Variants in RBFOX1 observed in about 807,000 individuals in gnomAD.
RBFOX1 encodes the protein RNA binding protein fox-1 homolog 1.
Under a neutral mutation model 57.7 loss-of-function variants are expected in RBFOX1, and 8 were observed. The observed-to-expected ratio is 0.14, with a 90% CI of 0.08 to 0.25. RBFOX1 has a LOEUF of 0.25. Among genes scored for constraint, RBFOX1 ranks in the 10% least tolerant of loss-of-function variants. The pLI is 1.00. For missense variants in RBFOX1, 611 were observed against 548.5 expected, an observed-to-expected ratio of 1.11 and a Z score of -1.14; for synonymous variants, 326 against 222.4, an observed-to-expected ratio of 1.47 and a Z score of -4.15.
At chr16:7,454,459 T>G (rs2058073659) in intron 4 of RBFOX1, among the ~76,000 whole-genome samples, 1 of 152,230 alleles carries the variant, frequency 6.6e-6, no homozygotes, top group African/African-American at 2.4e-5. Context: ...CACCCTGTTT[T>G]CCATCATATG....
chr16:6,198,167 A>T (rs969441586), intron 1 of RBFOX1, among the ~76,000 whole-genome samples: 1 of 152,182 alleles, frequency 6.6e-6, no homozygotes, highest in African/African-American at 2.4e-5. Flanking sequence ...ATCATTTGGC[A>T]GCCACTTATA....
chr16:7,177,948 A>T (rs564863939), intron 4 of RBFOX1, among the ~76,000 whole-genome samples: 59 of 152,322 alleles, frequency 3.9e-4, no homozygotes, highest in South Asian at 3.5e-3. Context: ...CAGAAGATCA[A>T]CTGGAGAGCA....
chr16:7,666,630 G>A (rs1261651574), intron 13 of RBFOX1, among the ~76,000 whole-genome samples: 1 of 152,070 alleles, frequency 6.6e-6, no homozygotes, highest in Non-Finnish European at 1.5e-5. Flanking sequence ...GAAAAAGAAG[G>A]GACTCATTTA....
At chr16:7,289,673 T>C (rs1325055858) in intron 4 of RBFOX1, among the ~76,000 whole-genome samples, 1 of 152,168 alleles carries the variant, frequency 6.6e-6, no homozygotes, top group Non-Finnish European at 1.5e-5. Flanking sequence ...ACCATCATCA[T>C]TATCACAATT....
At chr16:6,588,888 T>G (rs1391732678) in intron 2 of RBFOX1, among the ~76,000 whole-genome samples, 7 of 152,190 alleles carry the variant, frequency 4.6e-5, no homozygotes, top group Non-Finnish European at 1.0e-4. Flanking sequence ...TCCCATGATG[T>G]GTGGCAGTAA....
intron 3 of RBFOX1, among the ~76,000 whole-genome samples, chr16:6,803,830 A>G (rs1236946765): frequency 6.6e-6 from 1 of 152,142 alleles, no homozygotes; most frequent in African/African-American, 2.4e-5. Context: ...CTACATTTCT[A>G]ATTTTTTCCT....
In RBFOX1 at chr16:6,193,288, T is replaced by C. The variant is rs543066593; in HGVS notation, c.-126-123707T>C. On this transcript the variant is annotated intron_variant, in intron 1 of 15. Transcript: ENST00000550418. The stretch of plus-strand genomic sequence containing the variant: ...ACATGCATGGGGCTGGCCAATCAGA[T>C]TATCTCTTCGTGGGAGTTAAGAAAT... Among the ~76,000 whole-genome samples the C allele has an allele frequency of 8.2e-4, 123 of 149,250 alleles. 2 individuals are homozygous for C. The South Asian group carries it at 0.026, about 31-fold the overall frequency.
intron 1 of RBFOX1, among the ~76,000 whole-genome samples, chr16:5,338,869 C>T (rs1206020059): frequency 6.6e-6 from 1 of 152,110 alleles, no homozygotes; most frequent in African/African-American, 2.4e-5. Context: ...CAGGCTGGTC[C>T]TGACCTCAAG....
At chr16:6,973,928 C>G (rs966941571) in intron 3 of RBFOX1, among the ~76,000 whole-genome samples, 22 of 152,116 alleles carry the variant, frequency 1.4e-4, no homozygotes, top group African/African-American at 5.3e-4. Context: ...TAATGCTCGT[C>G]CCCTCCATCT....
chr16:5,849,291 T>C (rs1159343886), intron 3 of RBFOX1, among the ~76,000 whole-genome samples: 1 of 152,108 alleles, frequency 6.6e-6, no homozygotes, highest in Non-Finnish European at 1.5e-5. Context: ...TCATGTGGAT[T>C]TGGGAAATGG....
intron 2 of RBFOX1, among the ~76,000 whole-genome samples, chr16:6,643,682 C>T (rs2098510301): frequency 6.6e-6 from 1 of 152,082 alleles, no homozygotes; most frequent in African/African-American, 2.4e-5. Flanking sequence ...GGATTTCAAT[C>T]TCCCTTATGC....
chr16:6,890,430 G>A (rs1023273225), intron 3 of RBFOX1, among the ~76,000 whole-genome samples: 6 of 152,186 alleles, frequency 3.9e-5, no homozygotes, highest in Admixed American at 2.6e-4. Context: ...GAGGCTGGAG[G>A]ATCACTTAAA....
intron 1 of RBFOX1, among the ~76,000 whole-genome samples, chr16:5,243,018 A>G (rs1417442291): frequency 6.7e-6 from 1 of 149,720 alleles, no homozygotes; most frequent in Non-Finnish European, 1.5e-5. Flanking sequence ...GGGGGCATTG[A>G]TTTCCTGCCA....
intron 3 of RBFOX1, among the ~76,000 whole-genome samples, chr16:5,607,797 T>C (rs528215376): frequency 1.3e-5 from 2 of 152,314 alleles, no homozygotes; most frequent in Admixed American, 1.3e-4. Flanking sequence ...GCAGTCCATA[T>C]GTATCTGCCT....
chr16:6,112,642 G>A (rs1395027109), intron 1 of RBFOX1, among the ~76,000 whole-genome samples: 1 of 152,120 alleles, frequency 6.6e-6, no homozygotes, highest in Non-Finnish European at 1.5e-5. Flanking sequence ...GGTGAGCTGA[G>A]ATCGTGCCAT....
chr16:7,707,977 A>C (rs1483809519), intron 14 of RBFOX1, among the ~76,000 whole-genome samples: 1 of 152,180 alleles, frequency 6.6e-6, no homozygotes, highest in African/African-American at 2.4e-5. Context: ...ATCTCCAGGA[A>C]AATATCTGGC....
chr16:7,060,218 C>A (rs1232489288), intron 4 of RBFOX1, among the ~76,000 whole-genome samples: 1 of 152,058 alleles, frequency 6.6e-6, no homozygotes, highest in Non-Finnish European at 1.5e-5. Flanking sequence ...ACAAAAGCAG[C>A]CATAGATAAA....
chr16:5,657,607 G>GCTTGCTTTCTTTCTTTCTTT, intron 3 of RBFOX1, among the ~76,000 whole-genome samples: 1 of 94,184 alleles, frequency 1.1e-5, no homozygotes, highest in African/African-American at 3.7e-5. Context: ...TTTCTCGCTC[G>GCTTGCTTTCTTTCTTTCTTT]CTTTCTTTCT....
At chr16:6,449,790 C>G (rs2094553834) in intron 2 of RBFOX1, among the ~76,000 whole-genome samples, 1 of 152,168 alleles carries the variant, frequency 6.6e-6, no homozygotes, top group East Asian at 1.9e-4. Flanking sequence ...CGTACTGCAG[C>G]CTCCCATCAG....
Sources: allele counts gnomAD v4.1 joint callset (sites outside exome capture counted in the v4.1 genomes callset), GRCh38; gene constraint gnomAD v4.1.1; transcripts MANE v1.5; gene names NCBI Gene and HGNC (gene_info 2026-07-23, HGNC 2026-07-21).